FHIT: variants seen among roughly 807,000 people sequenced by gnomAD.
FHIT encodes bis(5'-adenosyl)-triphosphatase.
FHIT carries 19 observed loss-of-function variants against 17.9 expected under a neutral mutation model. The observed-to-expected ratio is 1.06, with a 90% CI of 0.74 to 1.56. FHIT has a LOEUF of 1.56. FHIT is among the 40% of genes most tolerant of loss of function. FHIT has a pLI of 0.00. For missense variants in FHIT, 248 were observed against 189.2 expected (o/e 1.31, Z -1.82); for synonymous variants, 81 against 69.7 (o/e 1.16, Z -0.81).
At chr3:59,964,336 C>T (rs1443225640) in intron 7 of FHIT, among the ~76,000 whole-genome samples, 1 of 152,062 alleles carries the variant, frequency 6.6e-6, no homozygotes, top group Non-Finnish European at 1.5e-5. Flanking sequence ...CATGTGTTTC[C>T]ATTCCCCATG....
chr3:60,155,340 G>A (rs529372397), intron 5 of FHIT, among the ~76,000 whole-genome samples: 1 of 152,252 alleles, frequency 6.6e-6, no homozygotes, highest in African/African-American at 2.4e-5. Flanking sequence ...GTTCAAGCCA[G>A]CAACAGATCC....
rs148969422 is a variant in FHIT, at chr3:60,594,499, C to G, written c.-17-57520G>C. ...TTGCCCCCTGCATCCAACACAGGAC[C>G]AACCAGTGAAAGCTGACTCTGATCA... On this transcript the variant is annotated intron_variant, in intron 4 of 9. Coordinates refer to ENST00000492590, the MANE Select transcript of FHIT (RefSeq NM_002012.4). 9.4e-4 allele frequency among the ~76,000 whole-genome samples: 143 copies of G among 152,212 alleles called. 1 individual carries two copies. In the East Asian group the frequency reaches 0.019, roughly 20 times the overall value.
chr3:61,144,742 A>C (rs957521686), intron 2 of FHIT, among the ~76,000 whole-genome samples: 2 of 152,170 alleles, frequency 1.3e-5, no homozygotes, highest in Non-Finnish European at 2.9e-5. Flanking sequence ...TCTAGTGTGC[A>C]TGAAGTGGTA....
chr3:59,923,350 G>A (rs1705506966), intron 7 of FHIT, among the ~76,000 whole-genome samples: 1 of 151,576 alleles, frequency 6.6e-6, no homozygotes, highest in Admixed American at 6.6e-5. Context: ...GTCAGCACCG[G>A]AAATGAGGTT....
intron 2 of FHIT, among the ~76,000 whole-genome samples, chr3:61,184,612 A>G (rs1246934047): frequency 6.6e-6 from 1 of 152,178 alleles, no homozygotes; most frequent in African/African-American, 2.4e-5. Flanking sequence ...AAGGGCCAGC[A>G]TGCATTCTAA....
intron 4 of FHIT, among the ~76,000 whole-genome samples, chr3:60,687,667 A>G (rs2040888845): frequency 6.6e-6 from 1 of 152,128 alleles, no homozygotes; most frequent in South Asian, 2.1e-4. Context: ...TTTAATAAAT[A>G]TTTATTAAAT....
intron 4 of FHIT, among the ~76,000 whole-genome samples, chr3:60,724,698 G>C (rs1357355207): frequency 6.8e-6 from 1 of 146,414 alleles, no homozygotes; most frequent in Admixed American, 6.9e-5. Flanking sequence ...ACCCAGGCTG[G>C]AGTGCAGTGA....
chr3:60,630,448 T>C (rs2039408802), intron 4 of FHIT, among the ~76,000 whole-genome samples: 1 of 152,168 alleles, frequency 6.6e-6, no homozygotes, highest in Admixed American at 6.5e-5. Flanking sequence ...ACCCACTCTT[T>C]CCAAAGCAAT....
At chr3:59,880,019 G>A (rs1231960207) in intron 8 of FHIT, among the ~76,000 whole-genome samples, 1 of 142,688 alleles carries the variant, frequency 7.0e-6, no homozygotes. Flanking sequence ...GGTAATCAAA[G>A]ACAGAACACA....
chr3:61,125,159 G>A (rs541550985), intron 2 of FHIT, among the ~76,000 whole-genome samples: 1 of 152,278 alleles, frequency 6.6e-6, no homozygotes, highest in South Asian at 2.1e-4. Context: ...TGGTTTACAC[G>A]CAGGAACAAG....
At chr3:60,759,053 A>G (rs1167740664) in intron 4 of FHIT, among the ~76,000 whole-genome samples, 1 of 152,134 alleles carries the variant, frequency 6.6e-6, no homozygotes, top group African/African-American at 2.4e-5. Flanking sequence ...ACTTTTGAGT[A>G]CCAGTAGAAG....
chr3:61,212,448 G>GA (rs1436519166), intron 1 of FHIT, among the ~76,000 whole-genome samples: 2 of 152,256 alleles, frequency 1.3e-5, no homozygotes, highest in Middle Eastern at 3.4e-3. Context: ...GAGAAGTTTA[G>GA]AGAAAAAATA....
At position 60,261,610 on chromosome 3, in the gene FHIT, C is replaced by T. The variant is rs143469660; in HGVS notation, c.104-247458G>A. On this transcript the variant is annotated intron_variant, in intron 5 of 9. Coordinates refer to ENST00000492590, the MANE Select transcript of FHIT (RefSeq NM_002012.4). ...TCCTCTTCAACATAGAAACTATCCT[C>T]ATAGTAAATTAAATTGAGGAAATAT... Among the ~76,000 whole-genome samples, 297 of 152,112 alleles carry T rather than the reference C, an allele frequency of 2.0e-3. 1 individual carries two copies. Among genetic ancestry groups the T allele is most frequent in the African/African-American group, 6.9e-3 (286 of 41,530 alleles).
intron 4 of FHIT, among the ~76,000 whole-genome samples, chr3:60,615,064 G>A (rs559464069): frequency 9.2e-5 from 14 of 151,926 alleles, no homozygotes; most frequent in South Asian, 4.2e-4. Flanking sequence ...TCTTGACCTC[G>A]TGATCTGCCT....
intron 4 of FHIT, among the ~76,000 whole-genome samples, chr3:60,539,042 T>C (rs1234971532): frequency 6.6e-6 from 1 of 152,094 alleles, no homozygotes; most frequent in Non-Finnish European, 1.5e-5. Flanking sequence ...AATCTACTCA[T>C]CTGACAAAGG....
chr3:60,643,410 T>C (rs2039776089), intron 4 of FHIT, among the ~76,000 whole-genome samples: 1 of 151,930 alleles, frequency 6.6e-6, no homozygotes, highest in Admixed American at 6.6e-5. Context: ...AATCCTAAAA[T>C]TCATATGGAA....
intron 4 of FHIT, chr3:60,596,078 C>T (rs1033756039): frequency 6.9e-6 from 2 of 289,462 alleles, no homozygotes; most frequent in African/African-American, 2.3e-5. Context: ...ATTATTATTG[C>T]TCTATTAATT....
intron 3 of FHIT, among the ~76,000 whole-genome samples, chr3:60,960,164 T>G (rs1709350368): frequency 6.6e-6 from 1 of 152,158 alleles, no homozygotes; most frequent in South Asian, 2.1e-4. Context: ...AAGCTTTCCC[T>G]CTTCCCTTCT....
intron 8 of FHIT, among the ~76,000 whole-genome samples, chr3:59,843,442 T>C (rs1029196243): frequency 6.6e-6 from 1 of 152,166 alleles, no homozygotes; most frequent in Non-Finnish European, 1.5e-5. Context: ...GCTTTTTGTA[T>C]GTCAGCAAAA....
Sources: gnomAD v4.1 joint callset for allele counts (sites outside exome capture counted in the v4.1 genomes callset) on GRCh38, gnomAD v4.1.1 for gene constraint, MANE v1.5 for transcripts, NCBI Gene and HGNC (gene_info 2026-07-23, HGNC 2026-07-21) for gene names.